The following FRY variants were observed in gnomAD, a reference collection of about 807,000 sequenced individuals.
FRY encodes the protein protein furry homolog.
FRY carries 128 observed loss-of-function variants against 348.4 expected under a neutral mutation model. The ratio of observed to expected loss-of-function variants is 0.37; its 90% CI spans 0.32 to 0.43. FRY has a LOEUF of 0.43. Ranked by LOEUF, FRY falls within the 20% of genes least tolerant of loss-of-function variation. The pLI is 1.00. For missense variants in FRY, 2,736 were observed against 3,695.2 expected (o/e 0.74, Z 6.73); for synonymous variants, 1,370 against 1,374.7 (o/e 1.00, Z 0.08).
At chr13:32,043,177 CT>C (rs1872832400) in intron 1 of FRY, among the ~76,000 whole-genome samples, 1 of 152,164 alleles carries the variant, frequency 6.6e-6, no homozygotes, top group African/African-American at 2.4e-5. Context: ...ACCATCGGAT[CT>C]TGTGAAATGT....
At position 32,179,734 on chromosome 13, in the gene FRY, A is replaced by G; in HGVS notation, c.2931A>G (p.Leu977=). 1 of 1,613,536 alleles carries G rather than the reference A, an allele frequency of 6.2e-7. No homozygotes were observed. Residue 977 remains leucine (L), a synonymous_variant, in exon 23 of 61, where the codon CTA becomes CTG. Transcript: ENST00000542859. ...AGCAGTTGGTGCCTTTGATGAGACTAGAGAGCATTGAGATCACAGAGTCCT... is the reference window on the plus strand; with the variant it reads ...AGCAGTTGGTGCCTTTGATGAGACTGGAGAGCATTGAGATCACAGAGTCCT... ...LLKQLVPLMR[L]ESIEITESLV... is the part of the protein sequence containing the mutation.
chr13:32,224,371 G>C lies in FRY; in HGVS notation c.4902G>C (p.Arg1634=). 6.2e-7 allele frequency: 1 copy of C among 1,614,030 alleles called. No homozygotes were observed. The highest frequency in any genetic ancestry group is 8.5e-7 in the Non-Finnish European group (1 of 1,179,994). Residue 1634 remains arginine (R), a synonymous_variant, in exon 37 of 61, where the codon CGG becomes CGC. Coordinates refer to ENST00000542859, the MANE Select transcript of FRY (RefSeq NM_023037.3). ...VDYLPETITP[R]GPLHRCNIAV... Reference sequence around the variant, plus strand: ...ATCTCCCGGAGACCATCACTCCCCGGGGGCCACTCCACAGGTGAGCAGCAT... The same window carrying C: ...ATCTCCCGGAGACCATCACTCCCCGCGGGCCACTCCACAGGTGAGCAGCAT...
chr13:32,166,377 C>T (rs798977), intron 17 of FRY, among the ~76,000 whole-genome samples: 74,587 of 152,056 alleles, frequency 0.49, 18,823 homozygotes, highest in African/African-American at 0.62. Flanking sequence ...GATGGCCCAG[C>T]TGGGGGAACT....
Position 32,194,629 on chromosome 13 carries a change from G to GGT in FRY, c.3746+334_3746+335dup, listed in dbSNP as rs1246461055. ...AATGTCTAGAAATGTTTATAACGAGGGTGAACTATAGCCCATCAGCCATCT... is the reference window on the plus strand; with the variant it reads ...AATGTCTAGAAATGTTTATAACGAGGGTGTGAACTATAGCCCATCAGCCATCT... On this transcript the variant is annotated intron_variant, in intron 29 of 60. Coordinates refer to ENST00000542859, the MANE Select transcript of FRY (RefSeq NM_023037.3). 3.9e-5 allele frequency among the ~76,000 whole-genome samples: 6 copies of GGT among 152,232 alleles called. No homozygotes were observed. In the South Asian group the frequency reaches 8.3e-4, roughly 21 times the overall value.
At chr13:32,098,701 C>T (rs1336044014) in intron 2 of FRY, among the ~76,000 whole-genome samples, 1 of 151,964 alleles carries the variant, frequency 6.6e-6, no homozygotes, top group East Asian at 1.9e-4. Context: ...GACTCTTCTC[C>T]CCAGTAGTGT....
At position 32,236,114 on chromosome 13, in the gene FRY, G is replaced by A. The variant is rs377206215; in HGVS notation, c.5752G>A (p.Ala1918Thr). 12 of 1,613,898 alleles carry A rather than the reference G, an allele frequency of 7.4e-6. No homozygotes were observed. In the African/African-American group the frequency reaches 1.6e-4, roughly 22 times the overall value. ...GGAAGCGCTCCTAACCTTGGAGGCG[G>A]CTGTGGATAACTTGTCTGACTGCTT... Reference protein sequence around the residue: ...VMEALLTLEAAVDNLSDCLKN... With the variant: ...VMEALLTLEATVDNLSDCLKN... Residue 1918 changes from alanine to threonine, a missense_variant, in exon 43 of 61, where the codon GCT becomes ACT. Physicochemically the swap from Ala to Thr is moderately conservative, Grantham distance 58. Around this residue, in one of 9 missense-constraint regions of FRY, gnomAD observed 794 missense variants for 977.0 expected, o/e 0.81. Transcript: ENST00000542859.
intron 18 of FRY, among the ~76,000 whole-genome samples, chr13:32,172,447 T>A (rs1006664067): frequency 7.2e-5 from 11 of 152,208 alleles, no homozygotes; most frequent in Admixed American, 2.0e-4. Context: ...CTTTGTTCAA[T>A]ATCCACGGAG....
chr13:32,137,235 C>A (rs1879778783), intron 11 of FRY, among the ~76,000 whole-genome samples: 1 of 152,034 alleles, frequency 6.6e-6, no homozygotes, highest in Non-Finnish European at 1.5e-5. Context: ...ATTAAATGTT[C>A]TTTTATATGC....
At chr13:32,273,578 C>T (rs888746013) in intron 55 of FRY, among the ~76,000 whole-genome samples, 14 of 152,146 alleles carry the variant, frequency 9.2e-5, no homozygotes, top group African/African-American at 3.1e-4. Flanking sequence ...GAGTGATGTA[C>T]ATTAAGCTCT....
chr13:32,140,841 AG>A (rs769877563), intron 11 of FRY, among the ~76,000 whole-genome samples: 5 of 152,204 alleles, frequency 3.3e-5, no homozygotes, highest in Non-Finnish European at 7.3e-5. Flanking sequence ...CATAATAGTA[AG>A]TTTATTAATG....
chr13:32,247,313 T>C lies in FRY; in HGVS notation c.6829-10T>C, dbSNP rs761175977. 3 of 1,606,934 alleles carry C rather than the reference T, an allele frequency of 1.9e-6. No individual in the cohort carries two copies. The highest frequency in any genetic ancestry group is 2.6e-6 in the Non-Finnish European group (3 of 1,173,492). On this transcript the variant is annotated splice_polypyrimidine_tract_variant and intron_variant, in intron 47 of 60. Transcript: ENST00000542859. ...TTATTTTTAACCCTTGAATGTTTTATTTCCTGCAGAGTGTTCACTGGAGAG... is the reference window on the plus strand; with the variant it reads ...TTATTTTTAACCCTTGAATGTTTTACTTCCTGCAGAGTGTTCACTGGAGAG...
chr13:32,109,899 C>G lies in FRY; in HGVS notation c.325-7435C>G, dbSNP rs532316405. The stretch of plus-strand genomic sequence containing the variant: ...AGAGTTTAGTATCAGGAGGTGGGAT[C>G]TACAAAAGAATGGCTAGAAAAAGGG... On this transcript the variant is annotated intron_variant, in intron 3 of 60. Coordinates refer to ENST00000542859, the MANE Select transcript of FRY (RefSeq NM_023037.3). Among the ~76,000 whole-genome samples the G allele has an allele frequency of 4.6e-5, 7 of 152,202 alleles. No homozygotes were observed. In the South Asian group the frequency reaches 1.5e-3, roughly 32 times the overall value.
chr13:32,091,298 A>T (rs1161464312), intron 2 of FRY, among the ~76,000 whole-genome samples: 1 of 152,228 alleles, frequency 6.6e-6, no homozygotes, highest in Non-Finnish European at 1.5e-5. Context: ...CCATGCAGTC[A>T]GTCAATTGAC....
At chr13:32,096,776 C>A (rs2138611665) in intron 2 of FRY, among the ~76,000 whole-genome samples, 2 of 118,984 alleles carry the variant, frequency 1.7e-5, no homozygotes, top group South Asian at 5.9e-4. Context: ...GCCATTCAGC[C>A]TGGGTGACAG....
chr13:32,124,618 T>A lies in FRY; in HGVS notation c.572T>A (p.Val191Glu). ...EVLKQIPLHP[V>E]IDSLIHDVIN... ...TTTTTTCAGATTCCACTTCATCCTG[T>A]AATAGACAGTTTAATACATGATGTT... The change falls in exon 6 of 61, where the codon GTA becomes GAA. Residue 191 changes from valine to glutamate, a missense_variant. Coordinates refer to ENST00000542859, the MANE Select transcript of FRY (RefSeq NM_023037.3). 1 of 1,591,314 alleles carries A rather than the reference T, an allele frequency of 6.3e-7. No individual in the cohort carries two copies. Among genetic ancestry groups the A allele is most frequent in the South Asian group, 1.1e-5 (1 of 90,610 alleles).
At chr13:32,045,546 G>T (rs1043990821) in intron 1 of FRY, among the ~76,000 whole-genome samples, 1 of 152,202 alleles carries the variant, frequency 6.6e-6, no homozygotes. Flanking sequence ...GGTGTCAATG[G>T]TTGCAAGCAC....
chr13:32,261,702 G>A lies in FRY; in HGVS notation c.7503G>A (p.Glu2501=). ...LDKCDMQILE[E]RQLSGSTPSL... ...AGTGTGATATGCAGATTCTGGAGGA[G>A]CGCCAACTGTCAGGAAGCACTCCTA... The change falls in exon 52 of 61, where the codon GAG becomes GAA. Residue 2501 remains glutamate (E), a synonymous_variant. Coordinates refer to ENST00000542859, the MANE Select transcript of FRY (RefSeq NM_023037.3). 1 of 1,614,124 alleles carries A rather than the reference G, an allele frequency of 6.2e-7. No individual in the cohort carries two copies.
chr13:32,235,132 A>T (rs888873362), intron 42 of FRY, among the ~76,000 whole-genome samples: 1 of 152,038 alleles, frequency 6.6e-6, no homozygotes, highest in Admixed American at 6.6e-5. Flanking sequence ...CAGAGCAGGG[A>T]CCTCCACTGT....
chr13:32,150,833 A>G (rs1204757223), intron 14 of FRY, among the ~76,000 whole-genome samples: 7 of 152,188 alleles, frequency 4.6e-5, no homozygotes, highest in Non-Finnish European at 7.3e-5. Context: ...TGTTAGTCCC[A>G]TGCTCCTTCC....
Sources: allele counts gnomAD v4.1 joint callset (sites outside exome capture counted in the v4.1 genomes callset), GRCh38; gene constraint gnomAD v4.1.1; regional missense constraint gnomAD v4.1.1; transcripts MANE v1.5; gene names NCBI Gene and HGNC (gene_info 2026-07-23, HGNC 2026-07-21).